THADA: variants seen among roughly 807,000 people sequenced by gnomAD.
The protein encoded by THADA is tRNA (32-2'-O)-methyltransferase regulator THADA.
THADA carries 213 observed loss-of-function variants against 219.8 expected under a neutral mutation model. The observed-to-expected ratio is 0.97, with a 90% CI of 0.87 to 1.09. The LOEUF is 1.09. Among genes scored for constraint, THADA ranks in the 50% least tolerant of loss-of-function variants. THADA has a pLI of 0.00. For synonymous variants in THADA, 1,018 were observed against 828.9 expected (o/e 1.23, Z -3.92); for missense variants, 2,956 against 2,311.3 (o/e 1.28, Z -5.72).
At chr2:43,487,086 A>C (rs1357603317) in intron 25 of THADA, among the ~76,000 whole-genome samples, 1 of 152,176 alleles carries the variant, frequency 6.6e-6, no homozygotes, top group Non-Finnish European at 1.5e-5. Context: ...AGGAGGCCCT[A>C]CTATGTGCCC....
chr2:43,410,202 T>C (rs1676107789), intron 28 of THADA, among the ~76,000 whole-genome samples: 1 of 152,176 alleles, frequency 6.6e-6, no homozygotes, highest in African/African-American at 2.4e-5. Flanking sequence ...AATACTACTA[T>C]ATACTCACTA....
intron 4 of THADA, among the ~76,000 whole-genome samples, 188 bp downstream of exon 4, chr2:43,590,636 C>T (rs557231945): frequency 7.2e-6 from 1 of 139,634 alleles, no homozygotes; most frequent in Non-Finnish European, 1.5e-5. Flanking sequence ...CAGAGCTAGA[C>T]TCCGTCTCAA....
In THADA at chr2:43,239,765, A is replaced by T. The variant is rs112191392; in HGVS notation, c.5297-6883T>A. On this transcript the variant is annotated intron_variant, in intron 36 of 37. Coordinates refer to ENST00000405975, the MANE Select transcript of THADA (RefSeq NM_022065.5). ...TTCTCCCTGCCCCTAGCTCTGGAGA[A>T]TCCTCCTTCAGGCATCTGAAAAATC... is the stretch of plus-strand genomic sequence containing the variant. Among the ~76,000 whole-genome samples, 124 of 152,278 alleles carry T rather than the reference A, an allele frequency of 8.1e-4. No homozygotes were observed. The Middle Eastern group carries it at 0.01, about 13-fold the overall frequency.
At chr2:43,562,190 T>C (rs1698146652) in intron 15 of THADA, 1 of 152,310 alleles carries the variant, frequency 6.6e-6, no homozygotes, top group African/African-American at 2.4e-5. Context: ...ATAAAGGATA[T>C]TGGTCTTTGG....
intron 35 of THADA, among the ~76,000 whole-genome samples, chr2:43,285,704 C>T (rs953368586): frequency 6.6e-6 from 1 of 152,016 alleles, no homozygotes; most frequent in Admixed American, 6.6e-5. Context: ...GCATGTGCCA[C>T]CAAGCCTGGC....
In THADA at chr2:43,293,857, T is replaced by C. The variant is rs530656663; in HGVS notation, c.4439-644A>G. Among the ~76,000 whole-genome samples the C allele has an allele frequency of 7.2e-5, 11 of 152,336 alleles. No homozygotes were observed. The South Asian group carries it at 2.3e-3, about 32-fold the overall frequency. On this transcript the variant is annotated intron_variant, in intron 31 of 37. Transcript: ENST00000405975. ...TCTCATTATTCTAGCTGCTTTCCTG[T>C]GGACATGCCTCACCCTCTCTTAAAG...
chr2:43,374,716 T>C (rs576177610), intron 29 of THADA, among the ~76,000 whole-genome samples: 1 of 152,250 alleles, frequency 6.6e-6, no homozygotes, highest in South Asian at 2.1e-4. Flanking sequence ...ATTAAATATG[T>C]TATATATAGT....
chr2:43,374,473 A>G (rs781592864), intron 29 of THADA, among the ~76,000 whole-genome samples: 10 of 152,210 alleles, frequency 6.6e-5, no homozygotes, highest in Non-Finnish European at 1.0e-4. Context: ...AGTTAGTGCA[A>G]TAGAAGTGAG....
chr2:43,324,085 C>G (rs549941561), intron 30 of THADA, among the ~76,000 whole-genome samples: 1 of 152,172 alleles, frequency 6.6e-6, no homozygotes, highest in Non-Finnish European at 1.5e-5. Flanking sequence ...AAATGTTTTT[C>G]TGGTTTTCTG....
intron 36 of THADA, among the ~76,000 whole-genome samples, chr2:43,261,491 T>G (rs1016327454): frequency 1.3e-5 from 2 of 151,856 alleles, no homozygotes; most frequent in African/African-American, 4.8e-5. Context: ...GCTGGACTGC[T>G]GCTCTGTCGC....
At chr2:43,589,154 C>A (rs1481721244) in intron 4 of THADA, among the ~76,000 whole-genome samples, 4 of 152,022 alleles carry the variant, frequency 2.6e-5, no homozygotes, top group Admixed American at 1.3e-4. Flanking sequence ...AGCAGGATCT[C>A]AAATAGATAT....
chr2:43,299,762 C>T (rs1018919928), intron 31 of THADA, among the ~76,000 whole-genome samples: 6 of 151,868 alleles, frequency 4.0e-5, no homozygotes, highest in South Asian at 2.1e-4. Context: ...CACAGTGGCT[C>T]ATGCCTGTAA....
At chr2:43,530,340 T>C (rs1173177714) in intron 21 of THADA, among the ~76,000 whole-genome samples, 1 of 152,166 alleles carries the variant, frequency 6.6e-6, no homozygotes, top group African/African-American at 2.4e-5. Context: ...AGAGCATTGT[T>C]TGAACAGAAT....
rs1691364253 is a variant in THADA at position 43,515,165 on chromosome 2, AATATATTATATATT to A, written c.3375-6399_3375-6386del. On this transcript the variant is annotated intron_variant, in intron 22 of 37. Transcript: ENST00000405975. ...ATAATATATTTTATATATTATATAT[AATATATTATATATT>A]ATATATAATATATTATATATAATAT... Among the ~76,000 whole-genome samples, 8 of 2,494 alleles carry A rather than the reference AATATATTATATATT, an allele frequency of 3.2e-3. 1 individual carries two copies. Among genetic ancestry groups the A allele is most frequent in the South Asian group, 9.3e-3 (1 of 108 alleles). The allele number at this position is 2,494 out of a possible 152,430, so 1.6% of individuals were successfully genotyped here. A position where few individuals can be genotyped will look rare whatever the true frequency, so the allele number is the denominator to read the frequency against.
At chr2:43,427,357 T>C (rs1471697398) in intron 28 of THADA, among the ~76,000 whole-genome samples, 1 of 152,122 alleles carries the variant, frequency 6.6e-6, no homozygotes, top group African/African-American at 2.4e-5. Context: ...TCCACCTGCC[T>C]TGGAGCAGAC....
Position 43,514,813 on chromosome 2 carries a change from T to C in THADA, c.3375-6033A>G, listed in dbSNP as rs564390550. Among the ~76,000 whole-genome samples the C allele has an allele frequency of 6.4e-5, 6 of 93,300 alleles. No individual in the cohort carries two copies. The South Asian group carries it at 2.1e-3, about 32-fold the overall frequency. 61.2% of individuals were successfully genotyped at this position (93,300 alleles called of 152,430 possible). A position where few individuals can be genotyped will look rare whatever the true frequency, so the allele number is the denominator to read the frequency against. On this transcript the variant is annotated intron_variant, in intron 22 of 37. Coordinates refer to ENST00000405975, the MANE Select transcript of THADA (RefSeq NM_022065.5). ...TAATATGTACAATATATATTTTATA[T>C]ATAATAATATGTACAATATATATTT...
chr2:43,480,300 A>C (rs1358430598), intron 26 of THADA, among the ~76,000 whole-genome samples: 1 of 152,186 alleles, frequency 6.6e-6, no homozygotes, highest in Non-Finnish European at 1.5e-5. Context: ...CACTAAAGAA[A>C]TGTTACCTTC....
chr2:43,340,265 C>T (rs1373246876), intron 30 of THADA, among the ~76,000 whole-genome samples: 1 of 152,204 alleles, frequency 6.6e-6, no homozygotes, highest in Non-Finnish European at 1.5e-5. Context: ...GAGCAGAAGC[C>T]CAGTCCTTTC....
At chr2:43,246,357 C>T (rs754367072) in intron 36 of THADA, among the ~76,000 whole-genome samples, 5 of 151,854 alleles carry the variant, frequency 3.3e-5, no homozygotes, top group East Asian at 1.9e-4. Flanking sequence ...TAGCCGGGCA[C>T]GGTGGTGGGC....
Sources: gnomAD v4.1 joint callset for allele counts (sites outside exome capture counted in the v4.1 genomes callset) on GRCh38, gnomAD v4.1.1 for gene constraint, MANE v1.5 for transcripts, NCBI Gene and HGNC (gene_info 2026-07-23, HGNC 2026-07-21) for gene names.